The following CCDC201 variants were observed in gnomAD, a reference collection of about 807,000 sequenced individuals.
CCDC201 encodes the protein coiled-coil domain containing 201, also known as coiled-coil domain-containing protein 201.
chr7:45,873,283 C>A (rs536555736), upstream of CCDC201, among the ~76,000 whole-genome samples: 178 of 138,504 alleles, frequency 1.3e-3, no homozygotes, highest in Non-Finnish European at 1.4e-3. Context: ...ACCCCCCCAC[C>A]CCCCAGCAAC....
At chr7:45,868,589 T>A (rs1786704374) in intron 1 of CCDC201, among the ~76,000 whole-genome samples, 1 of 152,090 alleles carries the variant, frequency 6.6e-6, no homozygotes, top group Admixed American at 6.5e-5. Flanking sequence ...ATGTGAGGCC[T>A]CAGGACTCCC....
chr7:45,875,870 T>A (rs941024192), upstream of CCDC201, among the ~76,000 whole-genome samples: 1 of 152,202 alleles, frequency 6.6e-6, no homozygotes, highest in African/African-American at 2.4e-5. Flanking sequence ...CTAAGTTCCC[T>A]GTCATAAGAC....
At chr7:45,878,145 C>T in the CCDC201 span, among the ~76,000 whole-genome samples, 1 of 152,350 alleles carries the variant, frequency 6.6e-6, no homozygotes, top group East Asian at 1.9e-4. Context: ...TCTCCCAAGG[C>T]CTTGGCATCT....
intron 1 of CCDC201, among the ~76,000 whole-genome samples, chr7:45,872,583 A>G (rs1373377699): frequency 1.3e-5 from 2 of 152,172 alleles, no homozygotes; most frequent in East Asian, 1.9e-4. Flanking sequence ...CCAGTGTCTC[A>G]GGACAATGTC....
the CCDC201 span, among the ~76,000 whole-genome samples, chr7:45,884,600 A>G: frequency 3.9e-5 from 6 of 151,902 alleles, no homozygotes; most frequent in African/African-American, 1.2e-4. Flanking sequence ...CCCTGAACAC[A>G]CTGCACTCTT....
chr7:45,864,448 T>A (rs1786640925), intron 2 of CCDC201, among the ~76,000 whole-genome samples: 1 of 152,208 alleles, frequency 6.6e-6, no homozygotes, highest in African/African-American at 2.4e-5. Flanking sequence ...CCCATGGGGA[T>A]GCTGACTAGC....
the CCDC201 span, among the ~76,000 whole-genome samples, chr7:45,880,288 A>C: frequency 6.6e-6 from 1 of 152,250 alleles, no homozygotes; most frequent in Non-Finnish European, 1.5e-5. Context: ...AGGAAAGGAA[A>C]GATTAAAATG....
intron 2 of CCDC201, among the ~76,000 whole-genome samples, chr7:45,865,830 C>A (rs1426533125): frequency 1.3e-5 from 2 of 152,218 alleles, no homozygotes; most frequent in African/African-American, 4.8e-5. Flanking sequence ...GTCAGAAAGG[C>A]TGGACAGCCT....
At chr7:45,883,047 C>G in the CCDC201 span, among the ~76,000 whole-genome samples, 1 of 152,194 alleles carries the variant, frequency 6.6e-6, no homozygotes, top group Admixed American at 6.5e-5. Flanking sequence ...CTACTGGCAA[C>G]TTTGGCATGT....
chr7:45,868,163 G>T (rs1314922571), intron 1 of CCDC201, among the ~76,000 whole-genome samples: 3 of 152,146 alleles, frequency 2.0e-5, no homozygotes, highest in Non-Finnish European at 4.4e-5. Flanking sequence ...GCTTGACTGG[G>T]GATGGAGGTT....
chr7:45,884,359 C>T, the CCDC201 span, among the ~76,000 whole-genome samples: 6 of 152,218 alleles, frequency 3.9e-5, no homozygotes, highest in Non-Finnish European at 5.9e-5. Context: ...GTCAGCCTCT[C>T]AGTGTTGGAA....
the CCDC201 span, among the ~76,000 whole-genome samples, chr7:45,879,717 G>A: frequency 1.3e-5 from 2 of 152,178 alleles, no homozygotes; most frequent in East Asian, 3.8e-4. Context: ...GGGACACAGA[G>A]CCAAACCATA....
chr7:45,874,093 T>C (rs1039526865), upstream of CCDC201, among the ~76,000 whole-genome samples: 2 of 152,076 alleles, frequency 1.3e-5, no homozygotes, highest in African/African-American at 4.8e-5. Flanking sequence ...CTAATTTTGG[T>C]ACTTTTTTGT....
chr7:45,882,809 T>C, the CCDC201 span, among the ~76,000 whole-genome samples: 1 of 152,254 alleles, frequency 6.6e-6, no homozygotes, highest in Non-Finnish European at 1.5e-5. Context: ...ATACCCTTTT[T>C]TGCTCAGTTG....
exon 2 of CCDC201, chr7:45,866,172 C>T (rs780527108): frequency 3.5e-5 from 7 of 200,024 alleles, no homozygotes; most frequent in Middle Eastern, 1.2e-3. Flanking sequence ...CTGCCGCTGC[C>T]GCTGGGTTAA....
chr7:45,871,021 AT>A, intron 1 of CCDC201, among the ~76,000 whole-genome samples: 1 of 152,224 alleles, frequency 6.6e-6, no homozygotes, highest in Non-Finnish European at 1.5e-5. Flanking sequence ...CTTTTAACTA[AT>A]CTATTTATAA....
intron 2 of CCDC201, among the ~76,000 whole-genome samples, chr7:45,863,438 G>A (rs1786627296): frequency 6.6e-6 from 1 of 152,248 alleles, no homozygotes; most frequent in African/African-American, 2.4e-5. Flanking sequence ...GACAAAGGAG[G>A]GGACAGGGAC....
the CCDC201 span, among the ~76,000 whole-genome samples, chr7:45,881,941 A>G: frequency 1.3e-5 from 2 of 152,072 alleles, no homozygotes; most frequent in Non-Finnish European, 2.9e-5. Flanking sequence ...CTTTCCCATC[A>G]GTTTGCCAAG....
intron 1 of CCDC201, among the ~76,000 whole-genome samples, chr7:45,872,461 C>A (rs977607815): frequency 6.6e-6 from 1 of 152,182 alleles, no homozygotes; most frequent in Non-Finnish European, 1.5e-5. Context: ...GGCTGCTGGT[C>A]CCCTTGGTGG....
Sources: gnomAD v4.1 joint callset for allele counts (sites outside exome capture counted in the v4.1 genomes callset) on GRCh38, gnomAD v4.1.1 for gene constraint, MANE v1.5 for transcripts, NCBI Gene and HGNC (gene_info 2026-07-23, HGNC 2026-07-21) for gene names.